ADAMTSL1: variants seen among roughly 807,000 people sequenced by gnomAD.
The protein encoded by ADAMTSL1 is ADAMTS-like protein 1.
ADAMTSL1 carries 126 observed loss-of-function variants against 201.8 expected under a neutral mutation model. The ratio of observed to expected loss-of-function variants is 0.62; its 90% CI spans 0.54 to 0.72. The LOEUF (loss-of-function observed/expected upper bound fraction) is 0.72. Ranked by LOEUF, ADAMTSL1 falls within the 30% of genes least tolerant of loss-of-function variation. The pLI is 0.00. For synonymous variants in ADAMTSL1, 1,121 were observed against 903.4 expected (o/e 1.24, Z -4.32); for missense variants, 2,679 against 2,277.8 (o/e 1.18, Z -3.59).
rs1434407886 is a variant in ADAMTSL1 at position 18,680,001 on chromosome 9, G to A, written c.1137-311G>A. 4.6e-5 allele frequency among the ~76,000 whole-genome samples: 7 copies of A among 152,322 alleles called. No homozygotes were observed. In the East Asian group the frequency reaches 9.6e-4, roughly 21 times the overall value. ...ATATACATATCCTGAAACTATGGGA[G>A]AAGGACAGAACTACATCCTACATCT... On this transcript the variant is annotated intron_variant, in intron 10 of 28. Transcript: ENST00000380548.
At chr9:18,713,945 T>C (rs1194203867) in intron 14 of ADAMTSL1, among the ~76,000 whole-genome samples, 6 of 144,602 alleles carry the variant, frequency 4.1e-5, no homozygotes, top group Admixed American at 1.4e-4. Context: ...ATTAAGAATC[T>C]CACTCAAAAC....
chr9:18,094,247 C>T (rs1003964238), intron 1 of ADAMTSL1, among the ~76,000 whole-genome samples: 1 of 152,098 alleles, frequency 6.6e-6, no homozygotes, highest in African/African-American at 2.4e-5. Flanking sequence ...AGACTAAGAC[C>T]CAGGGAGAAG....
At position 18,782,127 on chromosome 9, in the gene ADAMTSL1, C is replaced by A. The variant is rs534704609; in HGVS notation, c.3677+4221C>A. Reference sequence around the variant, plus strand: ...AATCTCATGCCTACTCTAAGCCAGACTCTGTGTTAGATACTAGGGATGGAG... The same window carrying A: ...AATCTCATGCCTACTCTAAGCCAGAATCTGTGTTAGATACTAGGGATGGAG... On this transcript the variant is annotated intron_variant, in intron 19 of 28. Transcript: ENST00000380548. Among the ~76,000 whole-genome samples, 5 of 152,262 alleles carry A rather than the reference C, an allele frequency of 3.3e-5. No homozygotes were observed. In the South Asian group the frequency reaches 1.0e-3, roughly 32 times the overall value.
At chr9:17,988,241 G>C (rs772184427) in intron 1 of ADAMTSL1, among the ~76,000 whole-genome samples, 1 of 152,032 alleles carries the variant, frequency 6.6e-6, no homozygotes, top group Non-Finnish European at 1.5e-5. Flanking sequence ...GACTAAATTG[G>C]AAAGAATGGA....
chr9:18,865,759 T>C (rs185699705), intron 23 of ADAMTSL1, among the ~76,000 whole-genome samples: 26 of 152,258 alleles, frequency 1.7e-4, no homozygotes, highest in Admixed American at 3.9e-4. Flanking sequence ...AGAGAGGCCT[T>C]CTGCTGCCAG....
At chr9:18,479,652 C>A (rs1250481839) in intron 1 of ADAMTSL1, among the ~76,000 whole-genome samples, 1 of 152,158 alleles carries the variant, frequency 6.6e-6, no homozygotes, top group Non-Finnish European at 1.5e-5. Flanking sequence ...CCATCTCTTA[C>A]TTATCTTACA....
chr9:18,757,769 A>G (rs1358995166), intron 16 of ADAMTSL1, among the ~76,000 whole-genome samples: 1 of 152,190 alleles, frequency 6.6e-6, no homozygotes, highest in East Asian at 1.9e-4. Flanking sequence ...GAATTAGACC[A>G]CAAGGTCAAT....
chr9:18,495,543 C>G (rs1822492987), intron 1 of ADAMTSL1, among the ~76,000 whole-genome samples: 4 of 152,164 alleles, frequency 2.6e-5, no homozygotes, highest in South Asian at 2.1e-4. Context: ...ACCAGAACCT[C>G]AAAATCAACC....
At chr9:17,976,185 G>C (rs990175834) in intron 1 of ADAMTSL1, among the ~76,000 whole-genome samples, 2 of 151,920 alleles carry the variant, frequency 1.3e-5, no homozygotes, top group Admixed American at 6.6e-5. Flanking sequence ...TCTTGTTCAA[G>C]ATCGCTTTAG....
chr9:18,324,689 G>A (rs978444206), intron 2 of ADAMTSL1, among the ~76,000 whole-genome samples: 35 of 151,692 alleles, frequency 2.3e-4, no homozygotes, highest in Non-Finnish European at 3.1e-4. Flanking sequence ...ACTTGAACCC[G>A]GGAGGCGGAG....
chr9:18,389,210 A>G (rs1170849568), intron 2 of ADAMTSL1, among the ~76,000 whole-genome samples: 1 of 151,766 alleles, frequency 6.6e-6, no homozygotes, highest in Non-Finnish European at 1.5e-5. Context: ...GAAATTGAAC[A>G]GAGTTTCAGA....
At chr9:17,948,017 C>T (rs116616154) in intron 1 of ADAMTSL1, among the ~76,000 whole-genome samples, 1 of 152,084 alleles carries the variant, frequency 6.6e-6, no homozygotes, top group African/African-American at 2.4e-5. Flanking sequence ...CACTGTGGCT[C>T]CAGTGGTGGG....
At chr9:18,209,258 G>C (rs534865646) in intron 2 of ADAMTSL1, among the ~76,000 whole-genome samples, 115 of 151,256 alleles carry the variant, frequency 7.6e-4, no homozygotes, top group African/African-American at 2.5e-3. Context: ...AGACTTGTTT[G>C]TGATGGCTGA....
chr9:17,963,826 C>T (rs1325820794), intron 1 of ADAMTSL1, among the ~76,000 whole-genome samples: 1 of 151,926 alleles, frequency 6.6e-6, no homozygotes, highest in Non-Finnish European at 1.5e-5. Flanking sequence ...GAATTCTAAC[C>T]CCATCTCCTC....
intron 2 of ADAMTSL1, among the ~76,000 whole-genome samples, chr9:18,259,624 TC>T (rs1831838828): frequency 1.3e-5 from 2 of 152,124 alleles, no homozygotes; most frequent in African/African-American, 4.8e-5. Context: ...TGCTCCCCTC[TC>T]CCCCCATCAC....
At chr9:18,590,250 T>C (rs1823819930) in intron 4 of ADAMTSL1, among the ~76,000 whole-genome samples, 1 of 152,088 alleles carries the variant, frequency 6.6e-6, no homozygotes, top group African/African-American at 2.4e-5. Flanking sequence ...TCTCCTGATA[T>C]GTTGAATGTG....
At chr9:18,181,532 A>C (rs1007967766) in intron 2 of ADAMTSL1, among the ~76,000 whole-genome samples, 54 of 152,052 alleles carry the variant, frequency 3.6e-4, no homozygotes, top group Non-Finnish European at 5.4e-4. Context: ...AAACACATGA[A>C]AAAATGCTCA....
intron 7 of ADAMTSL1, among the ~76,000 whole-genome samples, chr9:18,642,372 G>A (rs1827505373): frequency 6.6e-6 from 1 of 151,786 alleles, no homozygotes; most frequent in African/African-American, 2.4e-5. Flanking sequence ...TATACTTTGG[G>A]GAACAGCTGA....
At chr9:18,807,645 C>CCAAA in intron 20 of ADAMTSL1, among the ~76,000 whole-genome samples, 1 of 68,590 alleles carries the variant, frequency 1.5e-5, no homozygotes, top group South Asian at 5.0e-4. Flanking sequence ...GACTCTGTCT[C>CCAAA]AAAAAAAAAA....
Sources: allele counts gnomAD v4.1 joint callset (sites outside exome capture counted in the v4.1 genomes callset), GRCh38; gene constraint gnomAD v4.1.1; transcripts MANE v1.5; gene names NCBI Gene and HGNC (gene_info 2026-07-23, HGNC 2026-07-21).